ZNF318: variants seen among roughly 807,000 people sequenced by gnomAD.
ZNF318 encodes the protein zinc finger protein 318.
A neutral mutation model predicts 124.2 loss-of-function variants in ZNF318; 51 were observed. That is an observed-to-expected ratio of 0.41 (90% CI 0.33 to 0.52). The LOEUF is 0.52. ZNF318 is among the 20% of genes least tolerant of loss of function. The pLI, the probability that ZNF318 is intolerant of heterozygous loss-of-function variation, is 0.23. For synonymous variants in ZNF318, 1,090 were observed against 1,040.7 expected (o/e 1.05, Z -0.91); for missense variants, 2,815 against 2,811.2 (o/e 1.00, Z -0.03).
In ZNF318 at chr6:43,337,466, G is replaced by A. The variant is rs984981741; in HGVS notation, c.6532C>T (p.Arg2178Trp). 10 of 1,614,178 alleles carry A rather than the reference G, an allele frequency of 6.2e-6. No individual in the cohort carries two copies. Among genetic ancestry groups the A allele is most frequent in the Middle Eastern group, 1.6e-4 (1 of 6,062 alleles). ...CLPDLVDFVTRTSGVQKDKLC... is the reference protein window; with the variant it reads ...CLPDLVDFVTWTSGVQKDKLC... ...TTATCTTTTTGAACTCCAGAGGTCC[G>A]TGTGACAAAGTCAACAAGGTCTGGA... is the stretch of plus-strand genomic sequence containing the variant. The change falls in exon 10 of 10, where the codon CGG (arginine) becomes TGG (tryptophan). Residue 2178 changes from arginine (R) to tryptophan (W), a missense_variant. Around this residue, in one of 4 missense-constraint regions of ZNF318, gnomAD observed 927 missense variants for 820.6 expected, o/e 1.13. Transcript: ENST00000361428.
intron 5 of ZNF318, among the ~76,000 whole-genome samples, chr6:43,351,073 T>C (rs1779516982): frequency 6.6e-6 from 1 of 152,190 alleles, no homozygotes; most frequent in Non-Finnish European, 1.5e-5. Flanking sequence ...TGATACAAAC[T>C]CAGCATCATT....
Position 43,339,261 on chromosome 6 carries a change from C to T in ZNF318, c.4737G>A (p.Gly1579=), listed in dbSNP as rs773852205. The change falls in exon 10 of 10, where the codon GGG becomes GGA. Residue 1579 remains glycine (G), a synonymous_variant. Transcript: ENST00000361428. This position sits in a 1 kb window ranked among gnomAD's most constrained non-coding sequence, Gnocchi z 4.2. ...CAGGGGCCCCCTTAGTCTCAGGGGC[C>T]CCCTTTCCACCACTACTATAGAATA... ...YDIFYSSGGK[G]APETKGAPET... 4 of 1,613,316 alleles carry T rather than the reference C, an allele frequency of 2.5e-6. No homozygotes were observed. The highest frequency in any genetic ancestry group is 1.3e-5 in the African/African-American group (1 of 74,892).
intron 2 of ZNF318, chr6:43,363,773 A>G (rs1189599208): frequency 6.0e-6 from 4 of 668,822 alleles, no homozygotes; most frequent in Non-Finnish European, 1.1e-5. Context: ...CACACTGGCC[A>G]GTTGAAAAGG....
Position 43,357,702 on chromosome 6 carries a change from T to C in ZNF318, c.612A>G (p.Arg204=), listed in dbSNP as rs1433104778. ...RSSQCSRGLE[R]YISQEEGPLS... is the part of the protein sequence containing the mutation. ...GAGGCCCTTCCTCCTGGGAAATATA[T>C]CGCTCAAGACCCCGAGAGCACTGGG... Residue 204 remains arginine (R), a synonymous_variant, in exon 3 of 10, where the codon CGA becomes CGG. Coordinates refer to ENST00000361428, the MANE Select transcript of ZNF318 (RefSeq NM_014345.3). 6.2e-7 allele frequency: 1 copy of C among 1,610,874 alleles called. No individual in the cohort carries two copies. Among genetic ancestry groups the C allele is most frequent in the Non-Finnish European group, 8.5e-7 (1 of 1,179,934 alleles).
intron 2 of ZNF318, among the ~76,000 whole-genome samples, chr6:43,361,977 G>A (rs1779686151): frequency 6.6e-6 from 1 of 151,818 alleles, no homozygotes; most frequent in Non-Finnish European, 1.5e-5. Flanking sequence ...GCAACACAGT[G>A]AGAACCCCAT....
intron 2 of ZNF318, among the ~76,000 whole-genome samples, chr6:43,361,149 C>G (rs16896458): frequency 0.029 from 4,386 of 152,246 alleles, 226 homozygotes; most frequent in African/African-American, 0.097. Context: ...AGCCTAAACT[C>G]TCCATTCTTT....
intron 5 of ZNF318, among the ~76,000 whole-genome samples, chr6:43,350,033 T>G (rs1779504658): frequency 6.6e-6 from 1 of 152,168 alleles, no homozygotes; most frequent in African/African-American, 2.4e-5. Flanking sequence ...GCGGATCACC[T>G]GAGGTCAGGA....
intron 6 of ZNF318, among the ~76,000 whole-genome samples, chr6:43,343,788 C>T (rs1376248358): frequency 1.4e-5 from 2 of 143,716 alleles, no homozygotes; most frequent in Non-Finnish European, 3.0e-5. Flanking sequence ...AAGATTGTGC[C>T]ACTGCACTCC....
At position 43,337,003 on chromosome 6, in the gene ZNF318, T is replaced by C; in HGVS notation, c.*155A>G. 1.7e-6 allele frequency: 1 copy of C among 575,614 alleles called. No individual in the cohort carries two copies. The highest frequency in any genetic ancestry group is 2.7e-6 in the Non-Finnish European group (1 of 367,778). The allele number at this position is 575,614 out of a possible 1,614,324, so 35.7% of individuals were successfully genotyped here. On this transcript the variant is annotated 3_prime_UTR_variant, in exon 10 of 10. Coordinates refer to ENST00000361428, the MANE Select transcript of ZNF318 (RefSeq NM_014345.3). Reference sequence around the variant, plus strand: ...AGGGGAAAGGGAAAAGGAAAGGAGGTAAATTTTTTAGCTTCCATGAACATT... The same window carrying C: ...AGGGGAAAGGGAAAAGGAAAGGAGGCAAATTTTTTAGCTTCCATGAACATT...
Position 43,352,363 on chromosome 6 carries a change from A to G in ZNF318, c.2770+14T>C. 3 of 1,581,448 alleles carry G rather than the reference A, an allele frequency of 1.9e-6. No homozygotes were observed. Among genetic ancestry groups the G allele is most frequent in the Non-Finnish European group, 2.6e-6 (3 of 1,166,476 alleles). ...AGTTATTACAAAAAGGCAGTCATGC[A>G]AAGCAGCTGATACCTTGTTGTTTAT... is the stretch of plus-strand genomic sequence containing the variant. On this transcript the variant is annotated intron_variant, in intron 5 of 9. Coordinates refer to ENST00000361428, the MANE Select transcript of ZNF318 (RefSeq NM_014345.3).
intron 4 of ZNF318, among the ~76,000 whole-genome samples, chr6:43,353,643 G>T (rs925000078): frequency 1.3e-5 from 2 of 152,070 alleles, no homozygotes; most frequent in African/African-American, 2.4e-5. Flanking sequence ...CAAAGTGCTG[G>T]GATTACAGGC....
intron 5 of ZNF318, among the ~76,000 whole-genome samples, chr6:43,350,701 T>C (rs1170979777): frequency 6.6e-6 from 1 of 151,804 alleles, no homozygotes; most frequent in African/African-American, 2.4e-5. Flanking sequence ...CTCATGCCTA[T>C]GGTCTCAGCT....
chr6:43,352,181 C>CTGGGAGAAGAGTACCTGAGA (rs1562132274), intron 5 of ZNF318, among the ~76,000 whole-genome samples, 196 bp downstream of exon 5: 28 of 49,158 alleles, frequency 5.7e-4, no homozygotes, highest in South Asian at 2.8e-3. Flanking sequence ...TCATCATCAT[C>CTGGGAGAAGAGTACCTGAGA]ATCACCACCA....
chr6:43,339,689 G>A lies in ZNF318; in HGVS notation c.4309C>T (p.Pro1437Ser), dbSNP rs201891517. ...GGAGGAGGTGGTAGTATTTGTTCAGGTAAATGAGATGGCTCACTCTTTTCA... is the reference window on the plus strand; with the variant it reads ...GGAGGAGGTGGTAGTATTTGTTCAGATAAATGAGATGGCTCACTCTTTTCA... ...LAEKSEPSHL[P>S]EQILPPPPPP... is the part of the protein sequence containing the mutation. Residue 1437 changes from proline (P) to serine (S), a missense_variant, in exon 10 of 10, where the codon CCT (proline) becomes TCT (serine). Coordinates refer to ENST00000361428, the MANE Select transcript of ZNF318 (RefSeq NM_014345.3). This position sits in a 1 kb window ranked among gnomAD's most constrained non-coding sequence, Gnocchi z 4.2. The A allele has an allele frequency of 2.5e-5, 40 of 1,613,814 alleles. 1 individual carries two copies. The East Asian group carries it at 8.2e-4, about 33-fold the overall frequency.
At position 43,355,835 on chromosome 6, in the gene ZNF318, G is replaced by A; in HGVS notation, c.1499C>T (p.Ala500Val). ...GGAAAAACCACTGCCATCCTGGCTA[G>A]CTCTCTCATGGGGCAGCAGGAAGTC... ...HTDFLLPHER[A>V]SQDGSGFSRI... Residue 500 changes from alanine (A) to valine (V), a missense_variant, in exon 4 of 10, where the codon GCT (alanine) becomes GTT (valine). This residue lies in a region of ZNF318 where 1,377 missense variants were observed against 1,353.5 expected (regional missense o/e 1.02). Coordinates refer to ENST00000361428, the MANE Select transcript of ZNF318 (RefSeq NM_014345.3). 6.2e-7 allele frequency: 1 copy of A among 1,614,266 alleles called. No individual in the cohort carries two copies. Among genetic ancestry groups the A allele is most frequent in the East Asian group, 2.2e-5 (1 of 44,892 alleles).
chr6:43,357,459 C>T lies in ZNF318; in HGVS notation c.855G>A (p.Met285Ile), dbSNP rs375808584. The T allele has an allele frequency of 1.3e-4, 209 of 1,614,056 alleles. 1 individual carries two copies. The highest frequency in any genetic ancestry group is 1.7e-4 in the Non-Finnish European group (201 of 1,180,026). The change falls in exon 3 of 10, where the codon ATG becomes ATA. Residue 285 changes from methionine (M) to isoleucine (I), a missense_variant. Met to Ile is a conservative substitution (Grantham distance 10). Transcript: ENST00000361428. ...RYDDTVKINS[M>I]GGDHPSFTSG... The stretch of plus-strand genomic sequence containing the variant: ...ATGTAAAACTTGGGTGATCCCCTCC[C>T]ATGCTGTTTATCTTCACTGTGTCAT...
chr6:43,355,068 C>T lies in ZNF318; in HGVS notation c.2266G>A (p.Ala756Thr). 1 of 1,614,158 alleles carries T rather than the reference C, an allele frequency of 6.2e-7. No individual in the cohort carries two copies. The highest frequency in any genetic ancestry group is 8.5e-7 in the Non-Finnish European group (1 of 1,180,022). ...PSAPIRLPHTAALSQFHMPRA... is the reference protein window; with the variant it reads ...PSAPIRLPHTTALSQFHMPRA... The stretch of plus-strand genomic sequence containing the variant: ...GGCATGTGAAACTGAGATAAAGCAG[C>T]AGTGTGTGGAAGTCTAATTGGGGCA... Residue 756 changes from alanine to threonine, a missense_variant, in exon 4 of 10, where the codon GCT becomes ACT. By Grantham distance (58) the Ala-to-Thr change is moderately conservative. Transcript: ENST00000361428.
Position 43,369,096 on chromosome 6 carries a change from CG to C in ZNF318, c.269del (p.Pro90ArgfsTer59). The C allele has an allele frequency of 8.0e-7, 1 of 1,257,828 alleles. No individual in the cohort carries two copies. Among genetic ancestry groups the C allele is most frequent in the Non-Finnish European group, 1.0e-6 (1 of 1,001,672 alleles). The allele number at this position is 1,257,828 out of a possible 1,614,324, so 77.9% of individuals were successfully genotyped here. A position where few individuals can be genotyped will look rare whatever the true frequency, so the allele number is the denominator to read the frequency against. ...PSPPRARRGS[P>X]SPPRGRRLFP... ...AGAGTCGTCGGCCCCGCGGTGGCGA[CG>C]GGGAGCCGCGACGGGCCCGAGGCGG... On this transcript the variant is annotated frameshift_variant, in exon 1 of 10. Transcript: ENST00000361428. LOFTEE classifies it high-confidence loss of function.
Position 43,339,518 on chromosome 6 carries a change from T to G in ZNF318, c.4480A>C (p.Asn1494His). 6.2e-7 allele frequency: 1 copy of G among 1,614,020 alleles called. No individual in the cohort carries two copies. The highest frequency in any genetic ancestry group is 1.1e-5 in the South Asian group (1 of 91,072). ...QTLSPGFVGP[N>H]ILNPVLPVAI... ...ACAGGCAACACTGGGTTCAAAATGT[T>G]AGGACCCACGAAGCCAGGGCTGAGA... The change falls in exon 10 of 10, where the codon AAC becomes CAC. Residue 1494 changes from asparagine to histidine, a missense_variant. By Grantham distance (68) the Asn-to-His change is moderately conservative. Coordinates refer to ENST00000361428, the MANE Select transcript of ZNF318 (RefSeq NM_014345.3). This position sits in a 1 kb window ranked among gnomAD's most constrained non-coding sequence, Gnocchi z 4.2.
Sources: allele counts gnomAD v4.1 joint callset (sites outside exome capture counted in the v4.1 genomes callset), GRCh38; gene constraint gnomAD v4.1.1; regional missense constraint gnomAD v4.1.1; non-coding constraint Gnocchi (gnomAD v3.1); transcripts MANE v1.5; gene names NCBI Gene and HGNC (gene_info 2026-07-23, HGNC 2026-07-21).